Variants in ING5 observed in about 807,000 individuals in gnomAD.
The protein encoded by ING5 is inhibitor of growth family member 5, also known as inhibitor of growth protein 5.
A neutral mutation model predicts 37.4 loss-of-function variants in ING5; 17 were observed. The observed-to-expected ratio is 0.45, with a 90% CI of 0.31 to 0.68. The LOEUF (loss-of-function observed/expected upper bound fraction) is 0.68. ING5 is among the 30% of genes least tolerant of loss of function. ING5 has a pLI of 0.05. For synonymous variants in ING5, 123 were observed against 116.6 expected, an observed-to-expected ratio of 1.06 and a Z score of -0.36; for missense variants, 233 against 311.9, an observed-to-expected ratio of 0.75 and a Z score of 1.91.
chr2:241,714,518 G>T (rs537502341), intron 5 of ING5, among the ~76,000 whole-genome samples: 1 of 151,842 alleles, frequency 6.6e-6, no homozygotes, highest in East Asian at 1.9e-4. Context: ...GCATTATTAT[G>T]GTTCTGATGT....
In ING5 at chr2:241,729,114, G is replaced by GT. The variant is rs952967532; in HGVS notation, c.*4087dup. ...TAATTATGGGCATTGAAGACTTAAG[G>GT]TTTTCTTAAATTTTTAGTGAGCAGT... On this transcript the variant is annotated 3_prime_UTR_variant, in exon 8 of 8. Coordinates refer to ENST00000313552, the MANE Select transcript of ING5 (RefSeq NM_032329.6). 1 of 152,490 alleles carries GT rather than the reference G, an allele frequency of 6.6e-6. No homozygotes were observed. The highest frequency in any genetic ancestry group is 1.5e-5 in the Non-Finnish European group (1 of 68,040). 9.4% of individuals were successfully genotyped at this position (152,490 alleles called of 1,614,324 possible).
At chr2:241,719,568 G>A (rs1234735172) in intron 5 of ING5, 11 of 1,536,002 alleles carry the variant, frequency 7.2e-6, no homozygotes, top group East Asian at 2.4e-5. Flanking sequence ...GCGTGAAAGT[G>A]GGACTCCTCC....
chr2:241,727,795 C>T lies in ING5; in HGVS notation c.*2764C>T, dbSNP rs1003188674. The T allele has an allele frequency of 6.6e-6, 1 of 152,152 alleles. No homozygotes were observed. The highest frequency in any genetic ancestry group is 1.5e-5 in the Non-Finnish European group (1 of 68,046). 9.4% of individuals were successfully genotyped at this position (152,152 alleles called of 1,614,324 possible). On this transcript the variant is annotated 3_prime_UTR_variant, in exon 8 of 8. Coordinates refer to ENST00000313552, the MANE Select transcript of ING5 (RefSeq NM_032329.6). ...TTGAGCTGTTCACACCTGTGGCTAC[C>T]CCTGGAAAGCGCTGGGGTTGTTGAT...
intron 5 of ING5, among the ~76,000 whole-genome samples, chr2:241,716,751 T>A (rs1048027052): frequency 6.6e-5 from 10 of 152,200 alleles, no homozygotes; most frequent in African/African-American, 2.4e-4. Context: ...TTGCCTGTGA[T>A]CTGAGCTTCC....
intron 1 of ING5, among the ~76,000 whole-genome samples, 185 bp downstream of exon 1, chr2:241,702,287 G>A (rs1342156796): frequency 1.4e-5 from 2 of 147,974 alleles, no homozygotes; most frequent in Admixed American, 6.7e-5. Context: ...GGCGCGGGGG[G>A]CGGGCGCGGG....
chr2:241,721,801 C>T, intron 5 of ING5: 1 of 985,428 alleles, frequency 1.0e-6, no homozygotes, highest in Non-Finnish European at 1.2e-6. Flanking sequence ...CGTAAATTTC[C>T]CCCTAAGTGC....
chr2:241,715,162 T>C (rs1442329029), intron 5 of ING5, among the ~76,000 whole-genome samples: 4 of 152,152 alleles, frequency 2.6e-5, no homozygotes, highest in Non-Finnish European at 5.9e-5. Flanking sequence ...GTTTTAAATT[T>C]TTATTTCGTT....
chr2:241,689,480 A>C (rs980890711), intron 1 of ING5, among the ~76,000 whole-genome samples: 1 of 152,150 alleles, frequency 6.6e-6, no homozygotes, highest in Non-Finnish European at 1.5e-5. Context: ...GTCTGCTGTC[A>C]TGTGCCCTGT....
At chr2:241,696,882 G>A (rs531873770) in intron 2 of ING5, among the ~76,000 whole-genome samples, 114 of 152,216 alleles carry the variant, frequency 7.5e-4, no homozygotes, top group African/African-American at 2.7e-3. Flanking sequence ...AAGAGATAGA[G>A]ACCATCCTGG....
chr2:241,724,883 C>T lies in ING5; in HGVS notation c.681-106C>T, dbSNP rs141179897. ...TGCGTGTGCCTCTCCTGGTGCCCTC[C>T]TGCCGGCGTCCAGCAGCCCTGGGAG... On this transcript the variant is annotated intron_variant, in intron 7 of 7. Coordinates refer to ENST00000313552, the MANE Select transcript of ING5 (RefSeq NM_032329.6). 4.0e-4 allele frequency: 487 copies of T among 1,208,978 alleles called. 2 individuals are homozygous for T. In the East Asian group the frequency reaches 7.9e-3, roughly 19 times the overall value. 74.9% of individuals were successfully genotyped at this position (1,208,978 alleles called of 1,614,324 possible).
At chr2:241,712,427 T>C (rs2070139309) in intron 5 of ING5, 1 of 209,900 alleles carries the variant, frequency 4.8e-6, no homozygotes, top group Non-Finnish European at 9.6e-6. Context: ...GAGGCCAATG[T>C]AGACCACTCT....
upstream of ING5, among the ~76,000 whole-genome samples, chr2:241,698,790 A>G (rs1286264441): frequency 2.0e-5 from 3 of 152,126 alleles, no homozygotes; most frequent in Non-Finnish European, 4.4e-5. Flanking sequence ...ATGCAATGGC[A>G]TGATTTTGGC....
chr2:241,688,831 C>T (rs1386326591), intron 1 of ING5, among the ~76,000 whole-genome samples: 5 of 151,634 alleles, frequency 3.3e-5, no homozygotes, highest in Admixed American at 2.0e-4. Flanking sequence ...TGGAGTCTTG[C>T]TCTGTTGCCC....
Position 241,725,150 on chromosome 2 carries a change from G to A in ING5, c.*119G>A. ...TTGATACTTAGTAACTCCGTGGCCA[G>A]TTGAAGCGCTGGATGTTTCCTAGAA... On this transcript the variant is annotated 3_prime_UTR_variant, in exon 8 of 8. Transcript: ENST00000313552. The A allele has an allele frequency of 9.4e-7, 1 of 1,062,924 alleles. No individual in the cohort carries two copies. The allele number at this position is 1,062,924 out of a possible 1,614,324, so 65.8% of individuals were successfully genotyped here.
chr2:241,710,251 C>T (rs951015871), intron 3 of ING5, among the ~76,000 whole-genome samples: 3 of 151,762 alleles, frequency 2.0e-5, no homozygotes, highest in Admixed American at 6.6e-5. Context: ...GGATTACAGT[C>T]ACCCACCACG....
chr2:241,695,505 G>A (rs1249266281), intron 2 of ING5, among the ~76,000 whole-genome samples: 1 of 152,164 alleles, frequency 6.6e-6, no homozygotes. Flanking sequence ...GGCCAATTTG[G>A]TGAAAGCCCA....
intron 2 of ING5, among the ~76,000 whole-genome samples, chr2:241,706,234 AC>A (rs964249185): frequency 6.6e-6 from 1 of 151,828 alleles, no homozygotes; most frequent in Admixed American, 6.6e-5. Context: ...TCAGTGTGGG[AC>A]CCTCTTCCCT....
upstream of ING5, among the ~76,000 whole-genome samples, chr2:241,700,273 C>T (rs79433953): frequency 2.0e-5 from 3 of 151,342 alleles, no homozygotes; most frequent in Non-Finnish European, 4.4e-5. Context: ...TCTCCTGCCT[C>T]GGCCGCCCGA....
chr2:241,704,569 A>G, intron 1 of ING5, 84 bp from the exon 2 acceptor site: 1 of 820,082 alleles, frequency 1.2e-6, no homozygotes, highest in Middle Eastern at 2.5e-4. Flanking sequence ...ACTCCATCTC[A>G]AAAAAAAAAG....
Sources: gnomAD v4.1 joint callset for allele counts (sites outside exome capture counted in the v4.1 genomes callset) on GRCh38, gnomAD v4.1.1 for gene constraint, MANE v1.5 for transcripts, NCBI Gene and HGNC (gene_info 2026-07-23, HGNC 2026-07-21) for gene names.